The following TXNRD1 variants were observed in gnomAD, a reference collection of about 807,000 sequenced individuals.
TXNRD1 encodes the protein thioredoxin reductase 1, cytoplasmic.
Under a neutral mutation model 80.3 loss-of-function variants are expected in TXNRD1, and 57 were observed. That is an observed-to-expected ratio of 0.71 (90% confidence interval 0.57 to 0.89). TXNRD1 has a LOEUF of 0.89. Ranked by LOEUF, TXNRD1 falls within the 40% of genes least tolerant of loss-of-function variation. TXNRD1 has a pLI of 0.00. For synonymous variants in TXNRD1, 291 were observed against 285.2 expected, an observed-to-expected ratio of 1.02 and a Z score of -0.20; for missense variants, 730 against 803.0, an observed-to-expected ratio of 0.91 and a Z score of 1.10.
intron 1 of TXNRD1, among the ~76,000 whole-genome samples, chr12:104,246,347 G>A (rs1396305764): frequency 4.7e-5 from 7 of 150,168 alleles, no homozygotes; most frequent in Non-Finnish European, 8.9e-5. Context: ...AGAATGGCAT[G>A]AACCTGGGAG....
intron 1 of TXNRD1, among the ~76,000 whole-genome samples, chr12:104,230,976 G>A (rs900484890): frequency 1.1e-4 from 16 of 152,120 alleles, no homozygotes; most frequent in African/African-American, 3.6e-4. Context: ...GGCACATGTC[G>A]GGGCAAGGGC....
chr12:104,315,216 C>A (rs769843929), intron 6 of TXNRD1, among the ~76,000 whole-genome samples: 1 of 152,144 alleles, frequency 6.6e-6, no homozygotes, highest in Admixed American at 6.5e-5. Context: ...GAAAACAAGT[C>A]AAAAATGCAT....
At chr12:104,306,319 T>C (rs963318508) in intron 4 of TXNRD1, among the ~76,000 whole-genome samples, 4 of 152,244 alleles carry the variant, frequency 2.6e-5, no homozygotes, top group African/African-American at 9.6e-5. Flanking sequence ...TTCCGTTGCA[T>C]AAATTACAAC....
In TXNRD1 at chr12:104,330,418, A is replaced by G. The variant is rs887846576; in HGVS notation, c.1543-1116A>G. ...CAGTTCTTTACAAGTTCATTTGACT[A>G]TGGAATCCCCTTGTCATCTATACCT... On this transcript the variant is annotated intron_variant, in intron 13 of 16. Coordinates refer to ENST00000525566, the MANE Select transcript of TXNRD1 (RefSeq NM_001093771.3). Among the ~76,000 whole-genome samples, 7 of 152,192 alleles carry G rather than the reference A, an allele frequency of 4.6e-5. No individual in the cohort carries two copies. In the South Asian group the frequency reaches 1.0e-3, roughly 23 times the overall value.
chr12:104,330,958 G>T (rs2035927893), intron 13 of TXNRD1, among the ~76,000 whole-genome samples: 1 of 151,932 alleles, frequency 6.6e-6, no homozygotes, highest in African/African-American at 2.4e-5. Flanking sequence ...GTTAATACAT[G>T]TAGCCTTTTC....
chr12:104,339,279 TC>T lies in TXNRD1; in HGVS notation c.1881+7del, dbSNP rs951962720. ...TCCACCCTGTCTGTGCAGAGGTGGG[TC>T]ATCTACACTTATACAGTTTAAAATG... On this transcript the variant is annotated splice_region_variant and intron_variant, in intron 16 of 16. Transcript: ENST00000525566. The T allele has an allele frequency of 1.2e-6, 2 of 1,613,266 alleles. No individual in the cohort carries two copies. The highest frequency in any genetic ancestry group is 3.3e-5 in the Admixed American group (2 of 59,972).
intron 16 of TXNRD1, among the ~76,000 whole-genome samples, chr12:104,347,969 G>A (rs1219454514): frequency 6.6e-6 from 1 of 152,104 alleles, no homozygotes; most frequent in African/African-American, 2.4e-5. Context: ...GGGAAAGGAG[G>A]AAAAGGCCAA....
At chr12:104,266,398 T>G (rs1350050712) in intron 3 of TXNRD1, among the ~76,000 whole-genome samples, 1 of 151,288 alleles carries the variant, frequency 6.6e-6, no homozygotes, top group East Asian at 1.9e-4. Context: ...TGGTGACGCA[T>G]GCTTGTAGTC....
chr12:104,303,122 A>C (rs751540695), intron 4 of TXNRD1, among the ~76,000 whole-genome samples: 10 of 152,076 alleles, frequency 6.6e-5, no homozygotes, highest in Non-Finnish European at 1.3e-4. Context: ...ACCAAAGTTC[A>C]CCTGAGTAAT....
intron 3 of TXNRD1, among the ~76,000 whole-genome samples, chr12:104,261,989 C>T (rs2033377727): frequency 6.6e-6 from 1 of 151,764 alleles, no homozygotes; most frequent in South Asian, 2.1e-4. Flanking sequence ...GTCAGGTGAT[C>T]CACCTGCCTC....
intron 7 of TXNRD1, among the ~76,000 whole-genome samples, chr12:104,316,649 A>AC (rs2035337947): frequency 6.6e-6 from 1 of 152,184 alleles, no homozygotes; most frequent in Non-Finnish European, 1.5e-5. Context: ...TCAGCCTCCC[A>AC]AAGTGCTGGG....
At chr12:104,272,247 C>T (rs2033666734) in intron 3 of TXNRD1, among the ~76,000 whole-genome samples, 1 of 152,180 alleles carries the variant, frequency 6.6e-6, no homozygotes, top group Admixed American at 6.5e-5. Flanking sequence ...ACACACGTGG[C>T]CCCTGCTGCT....
chr12:104,318,828 G>T, intron 7 of TXNRD1, 85 bp from the exon 8 acceptor site: 1 of 1,466,826 alleles, frequency 6.8e-7, no homozygotes, highest in Non-Finnish European at 9.3e-7. Context: ...TCTGCTCCCT[G>T]TATTTCACTT....
At chr12:104,287,594 A>G (rs540889046) in intron 3 of TXNRD1, among the ~76,000 whole-genome samples, 1 of 152,354 alleles carries the variant, frequency 6.6e-6, no homozygotes, top group South Asian at 2.1e-4. Context: ...AGACGTTGGC[A>G]AAACACATGG....
At position 104,291,097 on chromosome 12, in the gene TXNRD1, T is replaced by G. The variant is rs926907848; in HGVS notation, c.414+2057T>G. 1.0e-5 allele frequency: 7 copies of G among 673,072 alleles called. No homozygotes were observed. In the East Asian group the frequency reaches 1.7e-4, roughly 16 times the overall value. 41.7% of individuals were successfully genotyped at this position (673,072 alleles called of 1,614,324 possible). ...GTGCTGGGACTGCAGGTCACGACAT[T>G]TAGTGAGGTATAGTGCCATGAATGA... On this transcript the variant is annotated intron_variant, in intron 4 of 16. Coordinates refer to ENST00000525566, the MANE Select transcript of TXNRD1 (RefSeq NM_001093771.3).
At chr12:104,264,572 A>G (rs1341765655) in intron 3 of TXNRD1, among the ~76,000 whole-genome samples, 1 of 152,204 alleles carries the variant, frequency 6.6e-6, no homozygotes, top group Non-Finnish European at 1.5e-5. Flanking sequence ...AATCACATAT[A>G]ATTGCATCCA....
intron 4 of TXNRD1, among the ~76,000 whole-genome samples, chr12:104,290,744 T>TATGTATATATATATATAC (rs2034167750): frequency 8.8e-6 from 1 of 114,090 alleles, no homozygotes; most frequent in Non-Finnish European, 1.8e-5. Context: ...TATATATATA[T>TATGTATATATATATATAC]ATATATATAT....
intron 7 of TXNRD1, 119 bp from the exon 8 acceptor site, chr12:104,318,794 C>A: frequency 1.0e-6 from 1 of 967,114 alleles, no homozygotes; most frequent in Non-Finnish European, 1.5e-6. Flanking sequence ...GGAGGATTTG[C>A]CCTTTCAGAT....
intron 4 of TXNRD1, among the ~76,000 whole-genome samples, chr12:104,310,552 A>G (rs536317369): frequency 6.6e-6 from 1 of 152,376 alleles, no homozygotes; most frequent in South Asian, 2.1e-4. Flanking sequence ...AATATTAAAT[A>G]TATCACCAAA....
Sources: gnomAD v4.1 joint callset for allele counts (sites outside exome capture counted in the v4.1 genomes callset) on GRCh38, gnomAD v4.1.1 for gene constraint, MANE v1.5 for transcripts, NCBI Gene and HGNC (gene_info 2026-07-23, HGNC 2026-07-21) for gene names.